Variants in COL6A2 observed in about 807,000 individuals in gnomAD.
The protein encoded by COL6A2 is collagen type VI alpha 2 chain, also known as collagen alpha-2(VI) chain.
In COL6A2, 90 loss-of-function variants were observed where a neutral mutation model predicts 124.9. The observed-to-expected ratio is 0.72, with a 90% CI of 0.61 to 0.86. COL6A2 has a LOEUF of 0.86. COL6A2 is among the 40% of genes least tolerant of loss of function. COL6A2 has a pLI of 0.00. For synonymous variants in COL6A2, 793 were observed against 618.2 expected (o/e 1.28, Z -4.19); for missense variants, 1,607 against 1,502.5 (o/e 1.07, Z -1.15).
At chr21:46,129,250 G>A in intron 27 of COL6A2, 3 of 1,612,936 alleles carry the variant, frequency 1.9e-6, no homozygotes, top group South Asian at 1.1e-5. Flanking sequence ...ACGGAAGAGG[G>A]GCCGGACGCC....
At chr21:46,119,672 C>G (rs1227177263) in intron 14 of COL6A2, 116 bp from the exon 15 acceptor site, 1 of 960,172 alleles carries the variant, frequency 1.0e-6, no homozygotes, top group Non-Finnish European at 1.6e-6. Context: ...TCCCAGGTCC[C>G]AAAGCCAGAG....
intron 27 of COL6A2, chr21:46,129,436 A>G (rs148301280): frequency 8.7e-6 from 14 of 1,608,584 alleles, no homozygotes; most frequent in Non-Finnish European, 1.0e-5. Context: ...GACACCTTTA[A>G]GCTGGTGCAC....
Position 46,112,273 on chromosome 21 carries a change from C to T in COL6A2, c.410C>T (p.Ala137Val), listed in dbSNP as rs886044462. The T allele has an allele frequency of 1.6e-5, 26 of 1,612,700 alleles. No homozygotes were observed. Among genetic ancestry groups the T allele is most frequent in the East Asian group, 2.2e-5 (1 of 44,842 alleles). The change falls in exon 3 of 28, where the codon GCG becomes GTG. Residue 137 changes from alanine (A) to valine (V), a missense_variant. Transcript: ENST00000300527. ...CGCCGCGGCACCTTCACCGACTGCGCGCTGGCCAACATGACGGAGCAGATC... is the reference window on the plus strand; with the variant it reads ...CGCCGCGGCACCTTCACCGACTGCGTGCTGGCCAACATGACGGAGCAGATC... ...SFRRGTFTDC[A>V]LANMTEQIRQ...
chr21:46,125,161 T>A (rs1282474833), intron 23 of COL6A2, 105 bp from the exon 24 acceptor site: 22 of 1,196,384 alleles, frequency 1.8e-5, no homozygotes. Context: ...CATGGCTGCC[T>A]CCACACGTGG....
chr21:46,125,143 CCTCCCCGCATGG>C (rs1318964811), intron 23 of COL6A2, 111 bp from the exon 24 acceptor site: 1 of 1,092,742 alleles, frequency 9.2e-7, no homozygotes, highest in Non-Finnish European at 1.4e-6. Flanking sequence ...GACCCGCCAG[CCTCCCCGCATGG>C]CTGCCTCCAC....
At chr21:46,129,534 A>C in intron 27 of COL6A2, 1 of 1,515,204 alleles carries the variant, frequency 6.6e-7, no homozygotes, top group Non-Finnish European at 8.8e-7. Flanking sequence ...TCCCTGCCAC[A>C]CTAGCTTCCC....
rs755053200 is a variant in COL6A2, at chr21:46,116,349, T to C, written c.901-28T>C. 1.2e-6 allele frequency: 2 copies of C among 1,612,320 alleles called. No individual in the cohort carries two copies. Among genetic ancestry groups the C allele is most frequent in the African/African-American group, 2.7e-5 (2 of 74,952 alleles). On this transcript the variant is annotated intron_variant, in intron 7 of 27. Transcript: ENST00000300527. The surrounding 1 kb of genome is among the most constrained non-coding windows in gnomAD (Gnocchi z 4.6). ...CCTGTGTCTCTGCAGAGCTCCTCACTAATGCCCCTCTCTCCTCCTGCCCCC... is the reference window on the plus strand; with the variant it reads ...CCTGTGTCTCTGCAGAGCTCCTCACCAATGCCCCTCTCTCCTCCTGCCCCC...
At chr21:46,129,675 C>T in intron 27 of COL6A2, 1 of 1,419,958 alleles carries the variant, frequency 7.0e-7, no homozygotes, top group African/African-American at 1.4e-5. Context: ...CACCGTGTCC[C>T]TTGCTGCGGC....
chr21:46,118,528 A>C, intron 12 of COL6A2, 86 bp from the exon 13 acceptor site: 2 of 1,326,940 alleles, frequency 1.5e-6, no homozygotes, highest in Non-Finnish European at 2.1e-6. Context: ...CCCAAGCCCG[A>C]CCGTGGGTCC....
At position 46,113,018 on chromosome 21, in the gene COL6A2, C is replaced by T. The variant is rs150456196; in HGVS notation, c.735+194C>T. 1.9e-3 allele frequency: 1,325 copies of T among 701,288 alleles called. 12 individuals are homozygous for T. In the African/African-American group the frequency reaches 0.02, roughly 10 times the overall value. The allele number at this position is 701,288 out of a possible 1,614,324, so 43.4% of individuals were successfully genotyped here. On this transcript the variant is annotated intron_variant, in intron 4 of 27. Coordinates refer to ENST00000300527, the MANE Select transcript of COL6A2 (RefSeq NM_001849.4). ...AGCCAAAGCTAGGCTGTTTAGATCCCGTGAGGGTCAGCGTTAGGGTCACCC... is the reference window on the plus strand; with the variant it reads ...AGCCAAAGCTAGGCTGTTTAGATCCTGTGAGGGTCAGCGTTAGGGTCACCC...
rs1555873179 is a variant in COL6A2 at position 46,116,926 on chromosome 21, T to TACGCACACAC, written c.999+114_999+115insGCACACACAC. 4 of 639,232 alleles carry TACGCACACAC rather than the reference T, an allele frequency of 6.3e-6. No homozygotes were observed. The East Asian group carries it at 1.1e-4, about 18-fold the overall frequency. 39.6% of individuals were successfully genotyped at this position (639,232 alleles called of 1,614,324 possible). A position where few individuals can be genotyped will look rare whatever the true frequency, so the allele number is the denominator to read the frequency against. ...CAGCTTACACATGTGTACACACGCATACACACACACACACACACACACACA... is the reference window on the plus strand; with the variant it reads ...CAGCTTACACATGTGTACACACGCATACGCACACACACACACACACACACACACACACACA... On this transcript the variant is annotated intron_variant, in intron 10 of 27. Transcript: ENST00000300527. This position sits in a 1 kb window ranked among gnomAD's most constrained non-coding sequence, Gnocchi z 4.6.
intron 27 of COL6A2, among the ~76,000 whole-genome samples, chr21:46,128,210 G>GC (rs1274475517): frequency 6.6e-6 from 1 of 152,160 alleles, no homozygotes; most frequent in East Asian, 1.9e-4. Context: ...GGACACGGAG[G>GC]CCCTTGAAGC....
chr21:46,131,215 G>A (rs751161509), intron 27 of COL6A2, among the ~76,000 whole-genome samples: 3 of 152,238 alleles, frequency 2.0e-5, no homozygotes, highest in Admixed American at 6.5e-5. Flanking sequence ...TCCGTGTCCT[G>A]TCCTGTGGTC....
At chr21:46,115,420 A>C (rs745554953) in intron 5 of COL6A2, among the ~76,000 whole-genome samples, 1 of 152,248 alleles carries the variant, frequency 6.6e-6, no homozygotes, top group Non-Finnish European at 1.5e-5. Context: ...ATCATAGGTT[A>C]AAATTTTAAT....
rs775829431 is a variant in COL6A2, at chr21:46,124,642, C to G, written c.1672-9C>G. The G allele has an allele frequency of 7.4e-6, 12 of 1,612,694 alleles. No homozygotes were observed. Among genetic ancestry groups the G allele is most frequent in the South Asian group, 1.1e-5 (1 of 91,086 alleles). On this transcript the variant is annotated splice_polypyrimidine_tract_variant and intron_variant, in intron 21 of 27. Coordinates refer to ENST00000300527, the MANE Select transcript of COL6A2 (RefSeq NM_001849.4). The stretch of plus-strand genomic sequence containing the variant: ...CCACTGAAGCCCACCTGTTCTTGTT[C>G]CTTCTCAGGCGGATCCTGGTCCCCC...
intron 21 of COL6A2, among the ~76,000 whole-genome samples, chr21:46,124,160 T>C (rs961258257): frequency 6.8e-6 from 1 of 147,838 alleles, no homozygotes; most frequent in Non-Finnish European, 1.5e-5. Context: ...GATAGATAGA[T>C]GGGTGGGTGG....
At chr21:46,120,326 A>T (rs2078543925) in intron 15 of COL6A2, among the ~76,000 whole-genome samples, 189 bp from the exon 16 acceptor site, 1 of 152,150 alleles carries the variant, frequency 6.6e-6, no homozygotes, top group Admixed American at 6.5e-5. Flanking sequence ...CACCGTGCTC[A>T]GAGCGGCAGC....
chr21:46,121,502 G>A, intron 17 of COL6A2, 54 bp from the exon 18 acceptor site: 1 of 1,557,906 alleles, frequency 6.4e-7, no homozygotes, highest in Non-Finnish European at 8.8e-7. Flanking sequence ...GGTGACCCCT[G>A]GGCATGGCCA....
At chr21:46,118,917 G>A in intron 13 of COL6A2, 113 bp from the exon 14 acceptor site, 4 of 1,010,986 alleles carry the variant, frequency 4.0e-6, no homozygotes, top group Non-Finnish European at 6.1e-6. Context: ...CATGTGCCTG[G>A]CAAGCAGATT....
Sources: gnomAD v4.1 joint callset for allele counts (sites outside exome capture counted in the v4.1 genomes callset) on GRCh38, gnomAD v4.1.1 for gene constraint, Gnocchi (gnomAD v3.1) non-coding constraint, MANE v1.5 for transcripts, NCBI Gene and HGNC (gene_info 2026-07-23, HGNC 2026-07-21) for gene names.